UBR4: variants seen among roughly 807,000 people sequenced by gnomAD.
UBR4 encodes ubiquitin protein ligase E3 component n-recognin 4, also known as E3 ubiquitin-protein ligase UBR4.
A neutral mutation model predicts 575.6 loss-of-function variants in UBR4; 124 were observed. The ratio of observed to expected loss-of-function variants is 0.22; its 90% CI spans 0.19 to 0.25. UBR4 has a LOEUF of 0.25. UBR4 is among the 10% of genes least tolerant of loss of function. The pLI is 1.00. For synonymous variants in UBR4, 2,455 were observed against 2,473.7 expected (o/e 0.99, Z 0.22); for missense variants, 4,818 against 6,478.8 (o/e 0.74, Z 8.80).
intron 94 of UBR4, 133 bp downstream of exon 94, chr1:19,094,773 C>A: frequency 8.0e-7 from 1 of 1,244,146 alleles, no homozygotes; most frequent in East Asian, 2.4e-5. Context: ...TTAGTTGAGT[C>A]CTAACATTCC....
chr1:19,140,090 T>C (rs1462870350), intron 58 of UBR4, among the ~76,000 whole-genome samples: 1 of 151,290 alleles, frequency 6.6e-6, no homozygotes, highest in Admixed American at 6.6e-5. Flanking sequence ...GGCTAAAACT[T>C]CCAAAAGAAA....
chr1:19,132,112 T>C (rs1303156105), intron 60 of UBR4, among the ~76,000 whole-genome samples: 1 of 152,190 alleles, frequency 6.6e-6, no homozygotes, highest in Non-Finnish European at 1.5e-5. Context: ...TATCAAAATA[T>C]GTGAGCTGCA....
Position 19,114,929 on chromosome 1 carries a change from T to C in UBR4, c.11084A>G (p.Lys3695Arg). The part of the protein sequence containing the change: ...HKCRSINYDE[K>R]DPFLCNACGF... ...ACAGGCATTGCAGAGGAAGGGATCC[T>C]TTTCATCGTAGTTGATGGATCTGAG... The change falls in exon 75 of 106, where the codon AAG becomes AGG. Residue 3695 changes from lysine (K) to arginine (R), a missense_variant. By Grantham distance (26) the Lys-to-Arg change is conservative. Transcript: ENST00000375254. The C allele has an allele frequency of 6.2e-7, 1 of 1,614,192 alleles. No homozygotes were observed. The highest frequency in any genetic ancestry group is 8.5e-7 in the Non-Finnish European group (1 of 1,180,020).
At chr1:19,077,219 T>C (rs1244582244) in intron 104 of UBR4, among the ~76,000 whole-genome samples, 1 of 152,208 alleles carries the variant, frequency 6.6e-6, no homozygotes, top group African/African-American at 2.4e-5. Context: ...TTCCATGAGC[T>C]GTCTCATTCC....
chr1:19,165,520 T>C, intron 30 of UBR4, 136 bp downstream of exon 30: 1 of 1,078,962 alleles, frequency 9.3e-7, no homozygotes, highest in South Asian at 1.5e-5. Flanking sequence ...GAGTCAGCAA[T>C]TAACTCCCCA....
chr1:19,199,511 C>T, intron 3 of UBR4, 140 bp downstream of exon 3: 1 of 690,320 alleles, frequency 1.4e-6, no homozygotes, highest in Non-Finnish European at 2.4e-6. Context: ...AGTTAACTAG[C>T]TGCAACAGAT....
Position 19,141,680 on chromosome 1 carries a change from C to G in UBR4, c.8277G>C (p.Gln2759His), listed in dbSNP as rs774539088. The stretch of plus-strand genomic sequence containing the variant: ...CAAAATCTCCATGGTCCACCTCACT[C>G]TGTTCCTGGCTTTCCTGACGGATGT... ...GGHIRQESQE[Q>H]SEVDHGDFEM... The change falls in exon 56 of 106, where the codon CAG becomes CAC. Residue 2759 changes from glutamine to histidine, a missense_variant. Gln to His is a conservative substitution (Grantham distance 24, BLOSUM62 0). Transcript: ENST00000375254. 2 of 1,614,140 alleles carry G rather than the reference C, an allele frequency of 1.2e-6. No homozygotes were observed. The highest frequency in any genetic ancestry group is 1.3e-5 in the African/African-American group (1 of 74,954).
Position 19,141,393 on chromosome 1 carries a change from G to T in UBR4, c.8442C>A (p.Thr2814=). 1 of 1,614,216 alleles carries T rather than the reference G, an allele frequency of 6.2e-7. No individual in the cohort carries two copies. The highest frequency in any genetic ancestry group is 8.5e-7 in the Non-Finnish European group (1 of 1,180,032). The change falls in exon 57 of 106, where the codon ACC becomes ACA. Residue 2814 remains threonine, a synonymous_variant. Coordinates refer to ENST00000375254, the MANE Select transcript of UBR4 (RefSeq NM_020765.3). ...LDIPPDADDE[T]MVELAIALSL... ...TCAGGGCAATGGCTAGTTCAACCAT[G>T]GTCTCGTCATCTGCATCAGGTGGGA... is the stretch of plus-strand genomic sequence containing the variant.
rs374736795 is a variant in UBR4 at position 19,139,186 on chromosome 1, C to T, written c.8628G>A (p.Ala2876=). The change falls in exon 59 of 106, where the codon GCG becomes GCA. Residue 2876 remains alanine, a synonymous_variant. Transcript: ENST00000375254. The surrounding 1 kb of genome is among the most constrained non-coding windows in gnomAD (Gnocchi z 4.2). ...PASDDEGSTA[A]TDGSTLRTSP... is the part of the protein sequence containing the mutation. The stretch of plus-strand genomic sequence containing the variant: ...AGGTCCGAAGGGTAGAACCATCTGT[C>T]GCTGCTGTACTGCCCTCGTCGTCTG... 6.8e-5 allele frequency: 109 copies of T among 1,613,632 alleles called. No individual in the cohort carries two copies. The highest frequency in any genetic ancestry group is 1.6e-4 in the Middle Eastern group (1 of 6,084).
At position 19,164,880 on chromosome 1, in the gene UBR4, T is replaced by C. The variant is rs1360327493; in HGVS notation, c.4430A>G (p.Lys1477Arg). The change falls in exon 32 of 106, where the codon AAA (lysine) becomes AGA (arginine). Residue 1477 changes from lysine (K) to arginine (R), a missense_variant. By Grantham distance (26) the Lys-to-Arg change is conservative (BLOSUM62 2). Transcript: ENST00000375254. ...AATTACATCCAGCTGATCAGAATCTTTTGGGGGCGATGTAGTCATGCGGGT... is the reference window on the plus strand; with the variant it reads ...AATTACATCCAGCTGATCAGAATCTCTTGGGGGCGATGTAGTCATGCGGGT... Reference protein sequence around the residue: ...WLTRMTTSPPKDSDQLDVIQE... With the variant: ...WLTRMTTSPPRDSDQLDVIQE... The C allele has an allele frequency of 6.2e-7, 1 of 1,614,028 alleles. No homozygotes were observed. The highest frequency in any genetic ancestry group is 1.3e-5 in the African/African-American group (1 of 74,972).
rs2077960177 is a variant in UBR4 at position 19,095,664 on chromosome 1, A to T, written c.13519-12T>A. The T allele has an allele frequency of 1.2e-6, 2 of 1,613,548 alleles. No homozygotes were observed. ...AATTTCAGTAGCACCTGACAAGAAA[A>T]GCCAGTCAAAACCCATGAGGCCACA... On this transcript the variant is annotated splice_polypyrimidine_tract_variant and intron_variant, in intron 92 of 105. Transcript: ENST00000375254.
chr1:19,188,030 TTAAATAAA>T (rs34415262), intron 11 of UBR4, among the ~76,000 whole-genome samples: 84 of 141,002 alleles, frequency 6.0e-4, no homozygotes, highest in South Asian at 1.8e-3. Context: ...AAACAAAAAA[TTAAATAAA>T]TAAATAAATA....
Position 19,124,607 on chromosome 1 carries a change from A to T in UBR4, c.9522T>A (p.Ile3174=), listed in dbSNP as rs1234102128. 1 of 1,614,088 alleles carries T rather than the reference A, an allele frequency of 6.2e-7. No homozygotes were observed. The highest frequency in any genetic ancestry group is 2.2e-5 in the East Asian group (1 of 44,892). ...VLRLPYQIKK[I]TDTNSRIPPP... ...GTGGGATTCGAGAATTGGTGTCAGT[A>T]ATCTTTTTGATTTGGTAAGGAAGCC... is the stretch of plus-strand genomic sequence containing the variant. The change falls in exon 65 of 106, where the codon ATT becomes ATA. Residue 3174 remains isoleucine, a synonymous_variant. Transcript: ENST00000375254.
In UBR4 at chr1:19,152,768, C is replaced by T. The variant is rs1235674817; in HGVS notation, c.6833-292G>A. Among the ~76,000 whole-genome samples, 2 of 152,214 alleles carry T rather than the reference C, an allele frequency of 1.3e-5. No homozygotes were observed. Among genetic ancestry groups the T allele is most frequent in the African/African-American group, 4.8e-5 (2 of 41,458 alleles). On this transcript the variant is annotated intron_variant, in intron 46 of 105. Transcript: ENST00000375254. This position sits in a 1 kb window ranked among gnomAD's most constrained non-coding sequence, Gnocchi z 4.4. ...TATTTAAAATAAACAATAGGAGCTA[C>T]TTCTTTAATGAATGTAAATGAATAA...
At chr1:19,207,107 GAAGA>G (rs1191508902) in intron 1 of UBR4, among the ~76,000 whole-genome samples, 1 of 152,166 alleles carries the variant, frequency 6.6e-6, no homozygotes, top group Non-Finnish European at 1.5e-5. Context: ...CGGTGACAAG[GAAGA>G]AAAACATGGC....
At position 19,168,098 on chromosome 1, in the gene UBR4, T is replaced by C. The variant is rs755941155; in HGVS notation, c.3828A>G (p.Gln1276=). ...TCAGGGAAGCAGCCAGGGGCAGACT[T>C]TGGCTACAGAGAGTCCCCAGGTGTG... ...QAAHLGTLCS[Q]SLPLAASLKH... Residue 1276 remains glutamine, a synonymous_variant, in exon 28 of 106, where the codon CAA becomes CAG. Coordinates refer to ENST00000375254, the MANE Select transcript of UBR4 (RefSeq NM_020765.3). The C allele has an allele frequency of 2.5e-6, 4 of 1,613,632 alleles. No individual in the cohort carries two copies. The South Asian group carries it at 4.4e-5, about 18-fold the overall frequency.
At chr1:19,141,204 C>G (rs1447202628) in intron 57 of UBR4, 143 bp downstream of exon 57, 1 of 1,127,180 alleles carries the variant, frequency 8.9e-7, no homozygotes, top group African/African-American at 1.6e-5. Flanking sequence ...CACTCTCCAC[C>G]TGTATCTCTG....
chr1:19,113,444 A>C (rs974076430), intron 77 of UBR4: 6 of 524,182 alleles, frequency 1.1e-5, no homozygotes, highest in African/African-American at 9.5e-5. Flanking sequence ...GGCTAAAAAA[A>C]ACCCTTATCT....
Position 19,117,321 on chromosome 1 carries a change from T to C in UBR4, c.10723A>G (p.Thr3575Ala), listed in dbSNP as rs1557652544. Residue 3575 changes from threonine to alanine, a missense_variant, in exon 73 of 106, where the codon ACA becomes GCA. Physicochemically the swap from Thr to Ala is moderately conservative, Grantham distance 58 (BLOSUM62 0). This residue lies in a region of UBR4 where 550 missense variants were observed against 791.5 expected (regional missense o/e 0.69). Transcript: ENST00000375254. The surrounding 1 kb of genome is among the most constrained non-coding windows in gnomAD (Gnocchi z 4.0). ...LIGSHTISKV[T>A]VKIGDLKRTK... Reference sequence around the variant, plus strand: ...CGTTTCAGATCCCCGATTTTCACTGTCACTTTGCTGATGGTGTGACTGCCA... The same window carrying C: ...CGTTTCAGATCCCCGATTTTCACTGCCACTTTGCTGATGGTGTGACTGCCA... 6.2e-7 allele frequency: 1 copy of C among 1,614,216 alleles called. No homozygotes were observed. The highest frequency in any genetic ancestry group is 8.5e-7 in the Non-Finnish European group (1 of 1,180,040).
Sources: gnomAD v4.1 joint callset for allele counts (sites outside exome capture counted in the v4.1 genomes callset) on GRCh38, gnomAD v4.1.1 for gene constraint, gnomAD v4.1.1 regional missense constraint, Gnocchi (gnomAD v3.1) non-coding constraint, MANE v1.5 for transcripts, NCBI Gene and HGNC (gene_info 2026-07-23, HGNC 2026-07-21) for gene names.